The following F8 variants were observed in gnomAD, a reference collection of about 807,000 sequenced individuals.
F8 encodes the protein antihemophilic factor.
F8 carries 12 observed loss-of-function variants against 140.6 expected under a neutral mutation model. That is an observed-to-expected ratio of 0.09 (90% CI 0.05 to 0.14). F8 has a LOEUF of 0.14. F8 is among the 10% of genes least tolerant of loss of function. F8 has a pLI of 1.00. For missense variants in F8, 1,354 were observed against 1,720.7 expected, an observed-to-expected ratio of 0.79 and a Z score of 3.77; for synonymous variants, 585 against 614.6, an observed-to-expected ratio of 0.95 and a Z score of 0.71.
chrX:154,972,309 T>C (rs1429210488), intron 6 of F8, among the ~76,000 whole-genome samples: 2 of 111,890 alleles, frequency 1.8e-5, no homozygotes, highest in Non-Finnish European at 3.8e-5. Context: ...TGTTGGCCAT[T>C]TGTAGGTCTC....
chrX:154,953,017 T>C (rs2073345707), intron 12 of F8, among the ~76,000 whole-genome samples: 1 of 112,334 alleles, frequency 8.9e-6, no homozygotes, highest in South Asian at 3.7e-4. Flanking sequence ...CACTAGTAAT[T>C]ATAATTTTGG....
chrX:154,900,830 A>G (rs940950838), intron 20 of F8, among the ~76,000 whole-genome samples: 2 of 112,330 alleles, frequency 1.8e-5, no homozygotes, highest in African/African-American at 6.5e-5. Flanking sequence ...TGATATGTAA[A>G]TTAATGGACG....
intron 6 of F8, among the ~76,000 whole-genome samples, chrX:154,972,713 T>TC: frequency 1.5e-5 from 1 of 67,010 alleles, no homozygotes; most frequent in Middle Eastern, 6.6e-3. Context: ...CTTTCTTTTT[T>TC]TTTTTTTTTT....
chrX:154,938,642 C>A (rs1288160363), intron 13 of F8, among the ~76,000 whole-genome samples: 2 of 110,877 alleles, frequency 1.8e-5, no homozygotes, highest in East Asian at 5.6e-4. Context: ...AACCATAATG[C>A]ACCCTTAAAG....
rs782339124 is a variant in F8 at position 155,011,947 on chromosome X, C to T, written c.143+10463G>A. Among the ~76,000 whole-genome samples the T allele has an allele frequency of 1.8e-4, 20 of 112,016 alleles. No homozygotes were observed. In the South Asian group the frequency reaches 7.4e-3, roughly 42 times the overall value. The stretch of plus-strand genomic sequence containing the variant: ...ATGAAATATCCAGAATAGGCAAAAC[C>T]ACAGTGACGGAAAGTAGGTTAATGG... On this transcript the variant is annotated intron_variant, in intron 1 of 25. Transcript: ENST00000360256.
chrX:154,991,902 G>A (rs1301148037), intron 4 of F8, among the ~76,000 whole-genome samples: 2 of 111,912 alleles, frequency 1.8e-5, no homozygotes, highest in Non-Finnish European at 3.8e-5. Flanking sequence ...AAAAGGTGGA[G>A]TCTCCCTTTA....
chrX:154,904,674 T>C, intron 16 of F8, 137 bp downstream of exon 16: 1 of 745,419 alleles, frequency 1.3e-6, no homozygotes, highest in Non-Finnish European at 2.1e-6. Flanking sequence ...GAATGACATT[T>C]CTAAAACACA....
At chrX:154,846,777 A>G (rs1192019987) in intron 25 of F8, among the ~76,000 whole-genome samples, 6 of 111,633 alleles carry the variant, frequency 5.4e-5, no homozygotes, top group Non-Finnish European at 1.1e-4. Context: ...CAGTTAGCCC[A>G]TTTATGTTTA....
chrX:154,911,459 T>C (rs1295134379), intron 14 of F8, among the ~76,000 whole-genome samples: 1 of 110,998 alleles, frequency 9.0e-6, no homozygotes, highest in Non-Finnish European at 1.9e-5. Flanking sequence ...ACGTGATATT[T>C]GTCTTTCTAT....
intron 4 of F8, among the ~76,000 whole-genome samples, chrX:154,991,369 C>T (rs2073587470): frequency 1.8e-5 from 2 of 112,291 alleles, no homozygotes; most frequent in Non-Finnish European, 3.8e-5. Flanking sequence ...GGTATACTCC[C>T]CCACAAGTTT....
intron 14 of F8, among the ~76,000 whole-genome samples, chrX:154,921,868 G>A (rs952564382): frequency 1.9e-5 from 2 of 106,612 alleles, no homozygotes; most frequent in African/African-American, 3.4e-5. Context: ...ATCACACACC[G>A]GGGCCTGTTG....
chrX:154,880,821 C>G (rs1295345202), intron 22 of F8, among the ~76,000 whole-genome samples: 2 of 111,641 alleles, frequency 1.8e-5, no homozygotes, highest in East Asian at 2.8e-4. Context: ...CAGAATATTT[C>G]TCGTTGGTGT....
chrX:154,842,794 C>A (rs1557271416), intron 25 of F8, among the ~76,000 whole-genome samples: 1 of 111,438 alleles, frequency 9.0e-6, no homozygotes, highest in African/African-American at 3.3e-5. Context: ...TGTAATTTTG[C>A]AATTTCTTTT....
At chrX:154,982,803 G>T (rs1167810674) in intron 6 of F8, among the ~76,000 whole-genome samples, 3 of 111,938 alleles carry the variant, frequency 2.7e-5, no homozygotes, top group East Asian at 2.8e-4. Context: ...AACTTTGAAG[G>T]ATACTTGGGA....
At chrX:154,899,751 G>C in intron 21 of F8, 115 bp downstream of exon 21, 5 of 673,947 alleles carry the variant, frequency 7.4e-6, no homozygotes, top group Non-Finnish European at 9.4e-6. Context: ...AATCATTAAG[G>C]CATTCTGTTC....
chrX:154,843,412 C>A (rs1326483223), intron 25 of F8, among the ~76,000 whole-genome samples: 1 of 112,043 alleles, frequency 8.9e-6, no homozygotes, highest in African/African-American at 3.2e-5. Flanking sequence ...GTCCCACCAA[C>A]AGTGTAAAAG....
At chrX:154,841,966 G>T (rs782127295) in intron 25 of F8, among the ~76,000 whole-genome samples, 6 of 111,617 alleles carry the variant, frequency 5.4e-5, no homozygotes, top group East Asian at 2.8e-4. Flanking sequence ...TTTTCTGAAA[G>T]AATTTTTGCA....
At chrX:154,983,411 T>C (rs2073540401) in intron 6 of F8, among the ~76,000 whole-genome samples, 1 of 111,640 alleles carries the variant, frequency 9.0e-6, no homozygotes, top group African/African-American at 3.3e-5. Flanking sequence ...ATGTTCTCAC[T>C]CACATGTGGG....
At chrX:154,896,996 A>G (rs1173226824) in intron 21 of F8, among the ~76,000 whole-genome samples, 1 of 112,166 alleles carries the variant, frequency 8.9e-6, no homozygotes, top group Non-Finnish European at 1.9e-5. Flanking sequence ...TTAAAGAGTT[A>G]ATACATGTAA....
Sources: allele counts gnomAD v4.1 joint callset (sites outside exome capture counted in the v4.1 genomes callset), GRCh38; gene constraint gnomAD v4.1.1; transcripts MANE v1.5; gene names NCBI Gene and HGNC (gene_info 2026-07-23, HGNC 2026-07-21).